Variants in DTX2 observed in about 807,000 individuals in gnomAD.
DTX2 encodes deltex E3 ubiquitin ligase 2, also known as probable E3 ubiquitin-protein ligase DTX2.
DTX2 carries 29 observed loss-of-function variants against 55.3 expected under a neutral mutation model. The ratio of observed to expected loss-of-function variants is 0.52; its 90% CI spans 0.39 to 0.71. The LOEUF (loss-of-function observed/expected upper bound fraction) is 0.71. Ranked by LOEUF, DTX2 falls within the 30% of genes least tolerant of loss-of-function variation. The pLI is 0.00. For synonymous variants in DTX2, 276 were observed against 340.4 expected (o/e 0.81, Z 2.08); for missense variants, 537 against 822.5 (o/e 0.65, Z 4.25).
At chr7:76,495,246 G>A (rs2116518231) in intron 5 of DTX2, among the ~76,000 whole-genome samples, 1 of 147,130 alleles carries the variant, frequency 6.8e-6, no homozygotes, top group South Asian at 2.3e-4. Flanking sequence ...CACTGGGCTC[G>A]AACCCAGGCT....
At chr7:76,468,874 T>G (rs1272256165) in intron 2 of DTX2, among the ~76,000 whole-genome samples, 1 of 136,568 alleles carries the variant, frequency 7.3e-6, no homozygotes. Flanking sequence ...GTGATTCTCC[T>G]GCCCCAGCCT....
intron 4 of DTX2, 54 bp downstream of exon 4, chr7:76,483,201 C>A (rs2430309): frequency 2.6e-5 from 33 of 1,245,498 alleles, no homozygotes; most frequent in Non-Finnish European, 3.6e-5. Context: ...CGCTCTTAGC[C>A]GGGAAGACTC....
chr7:76,499,594 G>A (rs1355973190), intron 6 of DTX2, among the ~76,000 whole-genome samples: 1 of 148,884 alleles, frequency 6.7e-6, no homozygotes, highest in East Asian at 2.0e-4. Flanking sequence ...GCCTCCACGG[G>A]TGGCACTGGG....
chr7:76,504,992 C>T (rs923014514), intron 10 of DTX2, among the ~76,000 whole-genome samples: 8 of 115,926 alleles, frequency 6.9e-5, no homozygotes, highest in Admixed American at 9.9e-5. Flanking sequence ...CTTGAGGTGG[C>T]GGAGCTGGAG....
intron 4 of DTX2, 112 bp from the exon 5 acceptor site, chr7:76,492,041 A>G: frequency 3.8e-6 from 2 of 525,722 alleles, no homozygotes; most frequent in Non-Finnish European, 6.1e-6. Context: ...AAGGAGCGTA[A>G]AAGCGCGAAG....
chr7:76,484,699 C>T (rs1463999792), intron 4 of DTX2, among the ~76,000 whole-genome samples: 2 of 152,146 alleles, frequency 1.3e-5, no homozygotes, highest in African/African-American at 4.8e-5. Context: ...AGGGCTGAAA[C>T]TTCACAGGGT....
intron 6 of DTX2, among the ~76,000 whole-genome samples, chr7:76,498,571 G>A (rs1811198811): frequency 1.2e-5 from 1 of 84,452 alleles, no homozygotes. Context: ...GTGGGTGGGC[G>A]GGGGTGGGAT....
intron 6 of DTX2, among the ~76,000 whole-genome samples, chr7:76,498,941 T>C (rs1392719786): frequency 2.6e-5 from 1 of 38,884 alleles, no homozygotes; most frequent in Admixed American, 2.6e-4. Context: ...GTGGGGTGTA[T>C]GGAGGTGGGT....
rs373052973 is a variant in DTX2, at chr7:76,505,436, C to G, written c.1704C>G (p.Ser568Arg). 2.0e-5 allele frequency: 32 copies of G among 1,603,348 alleles called. No homozygotes were observed. In the African/African-American group the frequency reaches 4.0e-4, roughly 20 times the overall value. Residue 568 changes from serine (S) to arginine (R), a missense_variant, in exon 11 of 11, where the codon AGC becomes AGG. By Grantham distance (110) the Ser-to-Arg change is moderately radical. Around this residue, in one of 7 missense-constraint regions of DTX2, gnomAD observed 33 missense variants for 48.4 expected, o/e 0.68. Transcript: ENST00000430490. This position sits in a 1 kb window ranked among gnomAD's most constrained non-coding sequence, Gnocchi z 4.4. Reference sequence around the variant, plus strand: ...TCATCTTCACAGTGGGCACGTCCAGCACCACGGGTGAGACGGACACCGTGG... The same window carrying G: ...TCATCTTCACAGTGGGCACGTCCAGGACCACGGGTGAGACGGACACCGTGG... ...RRLIFTVGTS[S>R]TTGETDTVVW...
At chr7:76,494,451 C>T (rs1202191474) in intron 5 of DTX2, among the ~76,000 whole-genome samples, 2 of 84,570 alleles carry the variant, frequency 2.4e-5, no homozygotes, top group Non-Finnish European at 4.8e-5. Flanking sequence ...TTCCTCATGG[C>T]CCAGCTCCTT....
At chr7:76,472,925 A>C (rs1808115448) in intron 2 of DTX2, among the ~76,000 whole-genome samples, 1 of 152,226 alleles carries the variant, frequency 6.6e-6, no homozygotes, top group Non-Finnish European at 1.5e-5. Context: ...TTAGAGTCTT[A>C]ATTATTGGAT....
intron 3 of DTX2, among the ~76,000 whole-genome samples, chr7:76,481,823 T>G (rs1809254054): frequency 1.5e-5 from 2 of 135,198 alleles, no homozygotes; most frequent in East Asian, 4.2e-4. Context: ...AGTTTTATTT[T>G]TAAAAGTATG....
chr7:76,505,426 G>T lies in DTX2; in HGVS notation c.1694G>T (p.Gly565Val). ...AAGAGGCGGCTCATCTTCACAGTGG[G>T]CACGTCCAGCACCACGGGTGAGACG... ...AWKRRLIFTVGTSSTTGETDT... is the reference protein window; with the variant it reads ...AWKRRLIFTVVTSSTTGETDT... The change falls in exon 11 of 11, where the codon GGC becomes GTC. Residue 565 changes from glycine (G) to valine (V), a missense_variant. Physicochemically the swap from Gly to Val is moderately radical, Grantham distance 109. Around this residue, in one of 7 missense-constraint regions of DTX2, gnomAD observed 33 missense variants for 48.4 expected, o/e 0.68. Coordinates refer to ENST00000430490, the MANE Select transcript of DTX2 (RefSeq NM_001102594.3). This position sits in a 1 kb window ranked among gnomAD's most constrained non-coding sequence, Gnocchi z 4.4. 5.0e-6 allele frequency: 8 copies of T among 1,599,506 alleles called. No homozygotes were observed. The highest frequency in any genetic ancestry group is 6.8e-6 in the Non-Finnish European group (8 of 1,173,434).
At chr7:76,503,616 C>G in intron 9 of DTX2, 29 bp downstream of exon 9, 4 of 1,590,070 alleles carry the variant, frequency 2.5e-6, no homozygotes, top group Non-Finnish European at 3.4e-6. Flanking sequence ...TCCCCCACTC[C>G]TGGCCACTCC....
intron 7 of DTX2, among the ~76,000 whole-genome samples, chr7:76,500,916 G>A (rs551713421): frequency 6.6e-6 from 1 of 152,280 alleles, no homozygotes; most frequent in South Asian, 2.1e-4. Flanking sequence ...GCTGGTCAAG[G>A]TTCTTATAAT....
intron 6 of DTX2, among the ~76,000 whole-genome samples, chr7:76,498,470 C>T (rs1484853387): frequency 6.7e-6 from 1 of 149,046 alleles, no homozygotes; most frequent in Non-Finnish European, 1.5e-5. Context: ...CTGGGAAGGA[C>T]ACGCTCTTGG....
chr7:76,481,832 TG>T (rs1038345597), intron 3 of DTX2, among the ~76,000 whole-genome samples: 2 of 106,940 alleles, frequency 1.9e-5, no homozygotes, highest in African/African-American at 8.0e-5. Context: ...TTTAAAAGTA[TG>T]GGTTTTTTTT....
At chr7:76,473,084 A>T (rs1278288699) in intron 2 of DTX2, among the ~76,000 whole-genome samples, 4 of 151,588 alleles carry the variant, frequency 2.6e-5, no homozygotes, top group African/African-American at 9.7e-5. Flanking sequence ...TCTTCCCTCC[A>T]CCTCCCGAGT....
At chr7:76,469,622 T>G (rs1458346583) in intron 2 of DTX2, among the ~76,000 whole-genome samples, 1 of 150,046 alleles carries the variant, frequency 6.7e-6, no homozygotes, top group Non-Finnish European at 1.5e-5. Context: ...CTCGCTCTCC[T>G]GACCTCATGA....
Sources: allele counts gnomAD v4.1 joint callset (sites outside exome capture counted in the v4.1 genomes callset), GRCh38; gene constraint gnomAD v4.1.1; regional missense constraint gnomAD v4.1.1; non-coding constraint Gnocchi (gnomAD v3.1); transcripts MANE v1.5; gene names NCBI Gene and HGNC (gene_info 2026-07-23, HGNC 2026-07-21).